TP63: variants seen among roughly 807,000 people sequenced by gnomAD.
TP63 encodes the protein tumor protein 63.
TP63 carries 17 observed loss-of-function variants against 82.8 expected under a neutral mutation model. That is an observed-to-expected ratio of 0.21 (90% CI 0.14 to 0.31). The LOEUF (loss-of-function observed/expected upper bound fraction) is 0.31. TP63 is among the 10% of genes least tolerant of loss of function. The pLI is 1.00. For synonymous variants in TP63, 330 were observed against 321.7 expected (o/e 1.03, Z -0.28); for missense variants, 648 against 895.3 (o/e 0.72, Z 3.52).
Position 189,894,233 on chromosome 3 carries a change from C to G in TP63, c.1774C>G (p.Gln592Glu), listed in dbSNP as rs2108873068. The part of the protein sequence containing the change: ...DDLASLKIPE[Q>E]FRHAIWKGIL... ...TCTGGCAAGTCTGAAAATCCCTGAGCAATTTCGACATGCGATCTGGAAGGG... is the reference window on the plus strand; with the variant it reads ...TCTGGCAAGTCTGAAAATCCCTGAGGAATTTCGACATGCGATCTGGAAGGG... Residue 592 changes from glutamine (Q) to glutamate (E), a missense_variant, in exon 14 of 14, where the codon CAA (glutamine) becomes GAA (glutamate). This residue lies in a region of TP63 where 342 missense variants were observed against 425.7 expected (regional missense o/e 0.80). Coordinates refer to ENST00000264731, the MANE Select transcript of TP63 (RefSeq NM_003722.5). The G allele has an allele frequency of 6.2e-7, 1 of 1,614,088 alleles. No individual in the cohort carries two copies. Among genetic ancestry groups the G allele is most frequent in the Non-Finnish European group, 8.5e-7 (1 of 1,180,008 alleles).
chr3:189,866,900 T>G lies in TP63; in HGVS notation c.882+103T>G, dbSNP rs1314285269. 7.6e-6 allele frequency: 7 copies of G among 924,432 alleles called. No individual in the cohort carries two copies. The Admixed American group carries it at 1.3e-4, about 18-fold the overall frequency. 57.3% of individuals were successfully genotyped at this position (924,432 alleles called of 1,614,324 possible). A position where few individuals can be genotyped will look rare whatever the true frequency, so the allele number is the denominator to read the frequency against. ...CAGGGATGTTTCTAGCATCTATCACTGTCTTAGTTCTTGTCATCAAATATA... is the reference window on the plus strand; with the variant it reads ...CAGGGATGTTTCTAGCATCTATCACGGTCTTAGTTCTTGTCATCAAATATA... On this transcript the variant is annotated intron_variant, in intron 6 of 13. Coordinates refer to ENST00000264731, the MANE Select transcript of TP63 (RefSeq NM_003722.5).
At position 189,779,790 on chromosome 3, in the gene TP63, G is replaced by A. The variant is rs553180423; in HGVS notation, c.325-28482G>A. On this transcript the variant is annotated intron_variant, in intron 3 of 13. Transcript: ENST00000264731. ...ATCTGAGAATCAAGGACAATAAGACGCTGCCAACTTCACAGACTTATTATA... is the reference window on the plus strand; with the variant it reads ...ATCTGAGAATCAAGGACAATAAGACACTGCCAACTTCACAGACTTATTATA... Among the ~76,000 whole-genome samples the A allele has an allele frequency of 7.5e-4, 114 of 152,080 alleles. 1 individual carries two copies. The highest frequency in any genetic ancestry group is 1.4e-3 in the Non-Finnish European group (93 of 68,022).
intron 1 of TP63, among the ~76,000 whole-genome samples, chr3:189,676,939 A>G (rs1715451737): frequency 6.6e-6 from 1 of 151,938 alleles, no homozygotes; most frequent in Non-Finnish European, 1.5e-5. Flanking sequence ...CCTGGTATAC[A>G]TTGTACACAT....
intron 5 of TP63, among the ~76,000 whole-genome samples, chr3:189,865,298 T>C (rs1717573924): frequency 6.6e-6 from 1 of 151,300 alleles, no homozygotes; most frequent in African/African-American, 2.4e-5. Flanking sequence ...GGACTGGGAG[T>C]GGAGGGATGA....
intron 4 of TP63, among the ~76,000 whole-genome samples, chr3:189,852,860 A>G (rs1394628296): frequency 1.3e-5 from 2 of 151,780 alleles, no homozygotes; most frequent in African/African-American, 2.4e-5. Context: ...TCCTTCCCCC[A>G]TCCCATCTAT....
intron 3 of TP63, among the ~76,000 whole-genome samples, chr3:189,747,032 T>G (rs2108515241): frequency 6.6e-6 from 1 of 150,782 alleles, no homozygotes; most frequent in East Asian, 1.9e-4. Flanking sequence ...AATAAAGTAA[T>G]CAATTTAGCA....
chr3:189,746,256 G>A (rs1370788108), intron 3 of TP63, among the ~76,000 whole-genome samples: 1 of 147,320 alleles, frequency 6.8e-6, no homozygotes, highest in Non-Finnish European at 1.5e-5. Flanking sequence ...TAAATAGAAT[G>A]ATATATTCTA....
At chr3:189,757,572 A>C (rs1461146725) in intron 3 of TP63, among the ~76,000 whole-genome samples, 1 of 152,216 alleles carries the variant, frequency 6.6e-6, no homozygotes, top group Non-Finnish European at 1.5e-5. Flanking sequence ...GAAACAGTGA[A>C]TTATTAATCC....
chr3:189,672,192 A>G (rs1249533614), intron 1 of TP63, among the ~76,000 whole-genome samples: 1 of 152,266 alleles, frequency 6.6e-6, no homozygotes, highest in Admixed American at 6.6e-5. Flanking sequence ...TAAACTAAAC[A>G]TAAAAGGAAA....
At chr3:189,848,239 T>TCTCTCTCTCTCTCTCTCTCTCTCTC (rs372147574) in intron 4 of TP63, among the ~76,000 whole-genome samples, 1 of 95,978 alleles carries the variant, frequency 1.0e-5, no homozygotes, top group Admixed American at 1.3e-4. Flanking sequence ...CTCCTCCTCC[T>TCTCTCTCTCTCTCTCTCTCTCTCTC]TCTCTCTCTC....
At chr3:189,662,711 A>G (rs1714032780) in intron 1 of TP63, among the ~76,000 whole-genome samples, 1 of 152,026 alleles carries the variant, frequency 6.6e-6, no homozygotes, top group Admixed American at 6.6e-5. Flanking sequence ...TATCTTAGTC[A>G]TTGAAAGAAA....
intron 3 of TP63, among the ~76,000 whole-genome samples, chr3:189,750,007 C>T (rs1721683363): frequency 6.6e-6 from 1 of 151,766 alleles, no homozygotes; most frequent in Non-Finnish European, 1.5e-5. Flanking sequence ...GCCTATAGTC[C>T]CAGCTACTCA....
In TP63 at chr3:189,649,008, G is replaced by C. The variant is rs776267057; in HGVS notation, c.62+17431G>C. On this transcript the variant is annotated intron_variant, in intron 1 of 13. Transcript: ENST00000264731. ...TATTACATAGTTCTCTCTAGTTACT[G>C]TTCATTTTAAAAATGTACTAAGCAC... is the stretch of plus-strand genomic sequence containing the variant. Among the ~76,000 whole-genome samples the C allele has an allele frequency of 1.8e-4, 26 of 146,858 alleles. 1 individual carries two copies. The highest frequency in any genetic ancestry group is 4.5e-4 in the South Asian group (2 of 4,484).
chr3:189,735,552 T>G (rs1720517718), intron 1 of TP63, among the ~76,000 whole-genome samples: 1 of 152,180 alleles, frequency 6.6e-6, no homozygotes, highest in Non-Finnish European at 1.5e-5. Context: ...TCTCCCTTCA[T>G]TAGTAACACA....
chr3:189,887,017 T>G (rs1720517659), intron 11 of TP63, among the ~76,000 whole-genome samples: 1 of 152,044 alleles, frequency 6.6e-6, no homozygotes, highest in African/African-American at 2.4e-5. Flanking sequence ...GAGACCAACC[T>G]GGCCAACATG....
rs1721281311 is a variant in TP63 at position 189,894,117 on chromosome 3, G to T, written c.1747-89G>T. The T allele has an allele frequency of 2.4e-5, 35 of 1,482,896 alleles. No homozygotes were observed. In the South Asian group the frequency reaches 4.1e-4, roughly 17 times the overall value. 91.9% of individuals were successfully genotyped at this position (1,482,896 alleles called of 1,614,324 possible). On this transcript the variant is annotated intron_variant, in intron 13 of 13. Coordinates refer to ENST00000264731, the MANE Select transcript of TP63 (RefSeq NM_003722.5). ...CAATAGATTCAGATCAATTAAACCAGAGCATCAGGGAATGATAGGATGCTG... is the reference window on the plus strand; with the variant it reads ...CAATAGATTCAGATCAATTAAACCATAGCATCAGGGAATGATAGGATGCTG...
At chr3:189,655,859 G>T (rs1028743993) in intron 1 of TP63, among the ~76,000 whole-genome samples, 3 of 152,104 alleles carry the variant, frequency 2.0e-5, no homozygotes, top group African/African-American at 7.2e-5. Context: ...TCACTGTAGG[G>T]ATCTGAGTAC....
intron 13 of TP63, 67 bp from the exon 14 acceptor site, chr3:189,894,139 G>T (rs2108872349): frequency 6.3e-7 from 1 of 1,581,170 alleles, no homozygotes; most frequent in Middle Eastern, 1.7e-4. Flanking sequence ...ATGATAGGAT[G>T]CTGTGGACTA....
chr3:189,767,414 A>G (rs982148683), intron 3 of TP63, among the ~76,000 whole-genome samples: 5 of 152,214 alleles, frequency 3.3e-5, no homozygotes, highest in Admixed American at 3.3e-4. Flanking sequence ...AACATGTACC[A>G]ATCTTTCAAT....
Sources: allele counts gnomAD v4.1 joint callset (sites outside exome capture counted in the v4.1 genomes callset), GRCh38; gene constraint gnomAD v4.1.1; regional missense constraint gnomAD v4.1.1; transcripts MANE v1.5; gene names NCBI Gene and HGNC (gene_info 2026-07-23, HGNC 2026-07-21).